The following ERBB4 variants were observed in gnomAD, a reference collection of about 807,000 sequenced individuals.
ERBB4 encodes the protein receptor tyrosine-protein kinase erbB-4.
A neutral mutation model predicts 158.0 loss-of-function variants in ERBB4; 42 were observed. That is an observed-to-expected ratio of 0.27 (90% CI 0.21 to 0.34). ERBB4 has a LOEUF of 0.34. Among genes scored for constraint, ERBB4 ranks in the 10% least tolerant of loss-of-function variants. The probability of loss-of-function intolerance (pLI) is 1.00; values close to 1 mark genes in which losing one functional copy is unlikely to be tolerated. For missense variants in ERBB4, 1,333 were observed against 1,624.1 expected (o/e 0.82, Z 3.08); for synonymous variants, 583 against 558.7 (o/e 1.04, Z -0.61).
chr2:212,232,472 G>T (rs2083702351), intron 1 of ERBB4, among the ~76,000 whole-genome samples: 1 of 152,088 alleles, frequency 6.6e-6, no homozygotes, highest in Admixed American at 6.6e-5. Flanking sequence ...GCAGTAGCAT[G>T]ATCTCAGCTC....
chr2:212,270,158 TTAAAAGA>T (rs1395936070), intron 1 of ERBB4, among the ~76,000 whole-genome samples: 1 of 151,778 alleles, frequency 6.6e-6, no homozygotes, highest in Non-Finnish European at 1.5e-5. Context: ...CAATATACAC[TTAAAAGA>T]TAATATTGTT....
chr2:212,509,472 A>G (rs926569866), intron 1 of ERBB4, among the ~76,000 whole-genome samples: 2 of 152,032 alleles, frequency 1.3e-5, no homozygotes, highest in African/African-American at 4.8e-5. Flanking sequence ...ATAGGTTAAC[A>G]ATCTTAACAT....
intron 1 of ERBB4, among the ~76,000 whole-genome samples, chr2:212,280,582 C>T (rs2085718923): frequency 6.6e-6 from 1 of 151,582 alleles, no homozygotes; most frequent in African/African-American, 2.4e-5. Flanking sequence ...CCTGAACATG[C>T]CTCAAATGTC....
intron 2 of ERBB4, among the ~76,000 whole-genome samples, chr2:212,102,090 T>TTTTATATATATATATATATA (rs1553558604): frequency 3.7e-5 from 4 of 107,978 alleles, no homozygotes; most frequent in Non-Finnish European, 6.2e-5. Context: ...AAAATTTATT[T>TTTTATATATATATATATATA]TATATATATA....
At chr2:212,357,724 G>C (rs2089517377) in intron 1 of ERBB4, among the ~76,000 whole-genome samples, 1 of 151,760 alleles carries the variant, frequency 6.6e-6, no homozygotes, top group Non-Finnish European at 1.5e-5. Context: ...CAAAGACATA[G>C]TGTGCTGCCC....
intron 1 of ERBB4, among the ~76,000 whole-genome samples, chr2:212,407,134 A>G (rs1002637556): frequency 4.6e-5 from 7 of 151,184 alleles, no homozygotes; most frequent in Non-Finnish European, 1.0e-4. Context: ...AAGATTATAT[A>G]CATAACATAT....
chr2:212,117,709 A>G (rs555799018), intron 2 of ERBB4, among the ~76,000 whole-genome samples: 1 of 152,272 alleles, frequency 6.6e-6, no homozygotes, highest in South Asian at 2.1e-4. Flanking sequence ...TTTGGGAAAT[A>G]TGAGATTGTA....
intron 2 of ERBB4, among the ~76,000 whole-genome samples, chr2:212,063,770 G>A (rs562704705): frequency 2.0e-5 from 3 of 152,196 alleles, no homozygotes; most frequent in Non-Finnish European, 4.4e-5. Context: ...AATCGTATGC[G>A]TTTCTCTCAT....
At chr2:212,186,742 G>T in intron 1 of ERBB4, among the ~76,000 whole-genome samples, 1 of 152,192 alleles carries the variant, frequency 6.6e-6, no homozygotes, top group South Asian at 2.1e-4. Context: ...AGAGAGGTTT[G>T]TTTTATTTTT....
intron 3 of ERBB4, among the ~76,000 whole-genome samples, chr2:211,868,223 T>TGCAACTGGAA (rs2078257906): frequency 6.7e-6 from 1 of 149,220 alleles, no homozygotes; most frequent in Non-Finnish European, 1.5e-5. Flanking sequence ...CAACTGAAAG[T>TGCAACTGGAA]TGATCTGGAC....
intron 17 of ERBB4, among the ~76,000 whole-genome samples, chr2:211,628,529 A>G (rs958961021): frequency 7.2e-5 from 11 of 152,202 alleles, no homozygotes. Context: ...ATAGTATTCC[A>G]TGGTGTATAT....
At chr2:212,198,211 GATAT>G (rs2082487885) in intron 1 of ERBB4, among the ~76,000 whole-genome samples, 3 of 152,016 alleles carry the variant, frequency 2.0e-5, no homozygotes, top group Admixed American at 2.0e-4. Context: ...TTTAAATTGT[GATAT>G]ATAAACATAT....
chr2:211,982,673 C>T (rs537962380), intron 2 of ERBB4, among the ~76,000 whole-genome samples: 2 of 152,266 alleles, frequency 1.3e-5, no homozygotes, highest in South Asian at 2.1e-4. Flanking sequence ...TCAGGTTATC[C>T]GATTCTATAG....
At chr2:211,889,896 G>T in intron 3 of ERBB4, among the ~76,000 whole-genome samples, 1 of 145,032 alleles carries the variant, frequency 6.9e-6, no homozygotes. Flanking sequence ...CAAGAAATAT[G>T]GGACTATGTG....
chr2:211,907,018 A>G (rs998347698), intron 3 of ERBB4, among the ~76,000 whole-genome samples: 1 of 151,496 alleles, frequency 6.6e-6, no homozygotes. Context: ...TGTTCTTCTG[A>G]CCTTTTTTCC....
intron 24 of ERBB4, among the ~76,000 whole-genome samples, chr2:211,421,192 T>G (rs1574458564): frequency 6.6e-6 from 1 of 151,596 alleles, no homozygotes; most frequent in East Asian, 1.9e-4. Context: ...TTTCCTATAT[T>G]TTTAAAGTTA....
At chr2:212,102,041 C>T (rs570157312) in intron 2 of ERBB4, among the ~76,000 whole-genome samples, 1 of 141,178 alleles carries the variant, frequency 7.1e-6, no homozygotes, top group South Asian at 2.3e-4. Context: ...TTGAACTTGT[C>T]CTTATTTTTT....
chr2:211,500,811 A>C (rs1237245447), intron 20 of ERBB4, among the ~76,000 whole-genome samples: 1 of 152,086 alleles, frequency 6.6e-6, no homozygotes, highest in Non-Finnish European at 1.5e-5. Flanking sequence ...CACTGAGAGC[A>C]CTGGTTTGCC....
chr2:211,867,024 C>CAAAAAAAAAAAAAAAAAAAA (rs386392490), intron 3 of ERBB4, among the ~76,000 whole-genome samples: 2 of 60,624 alleles, frequency 3.3e-5, no homozygotes, highest in Non-Finnish European at 5.7e-5. Flanking sequence ...TCCTTAAAAC[C>CAAAAAAAAAAAAAAAAAAAA]AAAAAAAAAA....
Sources: gnomAD v4.1 joint callset for allele counts (sites outside exome capture counted in the v4.1 genomes callset) on GRCh38, gnomAD v4.1.1 for gene constraint, MANE v1.5 for transcripts, NCBI Gene and HGNC (gene_info 2026-07-23, HGNC 2026-07-21) for gene names.